Variants in NKAIN3 observed in about 807,000 individuals in gnomAD.
NKAIN3 encodes sodium/potassium-transporting ATPase subunit beta-1-interacting protein 3.
Under a neutral mutation model 30.2 loss-of-function variants are expected in NKAIN3, and 25 were observed. The ratio of observed to expected loss-of-function variants is 0.83; its 90% CI spans 0.60 to 1.16. The LOEUF (loss-of-function observed/expected upper bound fraction) is 1.16. Among genes scored for constraint, NKAIN3 ranks in the 50% most tolerant of loss-of-function variants. The probability of loss-of-function intolerance (pLI) is 0.00; values close to 1 mark genes in which losing one functional copy is unlikely to be tolerated. For synonymous variants in NKAIN3, 91 were observed against 89.6 expected (o/e 1.02, Z -0.09); for missense variants, 225 against 254.1 (o/e 0.89, Z 0.78).
At chr8:62,806,475 T>TA (rs1400703114) in intron 4 of NKAIN3, among the ~76,000 whole-genome samples, 1 of 152,156 alleles carries the variant, frequency 6.6e-6, no homozygotes. Flanking sequence ...TATGTAGCCA[T>TA]AAAAAATGAT....
intron 3 of NKAIN3, among the ~76,000 whole-genome samples, chr8:62,715,249 T>C (rs1390139776): frequency 6.6e-6 from 1 of 152,054 alleles, no homozygotes; most frequent in African/African-American, 2.4e-5. Context: ...AATATGAGAT[T>C]TGGGTGGGGA....
At chr8:62,801,337 AC>A (rs1247086619) in intron 4 of NKAIN3, among the ~76,000 whole-genome samples, 2 of 152,068 alleles carry the variant, frequency 1.3e-5, no homozygotes, top group East Asian at 1.9e-4. Context: ...CTGACCCCTG[AC>A]CCCCAAGCAG....
At position 62,980,890 on chromosome 8, in the gene NKAIN3, T is replaced by A. The variant is rs533928056; in HGVS notation, c.*15483T>A. 3.9e-5 allele frequency: 6 copies of A among 152,306 alleles called. No homozygotes were observed. The East Asian group carries it at 1.2e-3, about 29-fold the overall frequency. The allele number at this position is 152,306 out of a possible 1,614,324, so 9.4% of individuals were successfully genotyped here. On this transcript the variant is annotated 3_prime_UTR_variant, in exon 7 of 7. Transcript: ENST00000623646. ...TTTAAGAATCAGTTGGTGTTAGAATTTTTAATAACACAGAGAAAGCCATTG... is the reference window on the plus strand; with the variant it reads ...TTTAAGAATCAGTTGGTGTTAGAATATTTAATAACACAGAGAAAGCCATTG...
At chr8:62,637,690 TG>T (rs1334547307) in intron 3 of NKAIN3, among the ~76,000 whole-genome samples, 2 of 152,106 alleles carry the variant, frequency 1.3e-5, no homozygotes, top group Non-Finnish European at 2.9e-5. Context: ...TGCACAGCGA[TG>T]GTTCAAATAG....
At chr8:62,991,771 A>T (rs1389263095) in intron 5 of NKAIN3, among the ~76,000 whole-genome samples, 3 of 152,166 alleles carry the variant, frequency 2.0e-5, no homozygotes, top group Non-Finnish European at 4.4e-5. Flanking sequence ...AAAATAAAAG[A>T]AGACTGGATA....
At chr8:62,932,113 T>C (rs1822635843) in intron 5 of NKAIN3, among the ~76,000 whole-genome samples, 1 of 148,130 alleles carries the variant, frequency 6.8e-6, no homozygotes, top group South Asian at 2.2e-4. Flanking sequence ...ATGAATTCAC[T>C]GTAATGATTA....
chr8:62,845,285 T>TTA (rs10525699), intron 4 of NKAIN3, among the ~76,000 whole-genome samples: 2,234 of 68,894 alleles, frequency 0.032, 185 homozygotes, highest in East Asian at 0.19. Flanking sequence ...GGATAGTAGA[T>TTA]TATATATATA....
At chr8:62,498,222 C>T (rs1015378046) in intron 1 of NKAIN3, among the ~76,000 whole-genome samples, 16 of 152,068 alleles carry the variant, frequency 1.1e-4, no homozygotes, top group Non-Finnish European at 2.4e-4. Flanking sequence ...GACTGTGACA[C>T]TTGTTGAGCA....
intron 1 of NKAIN3, among the ~76,000 whole-genome samples, chr8:62,326,521 C>T (rs1815137958): frequency 6.6e-6 from 1 of 151,596 alleles, no homozygotes; most frequent in Non-Finnish European, 1.5e-5. Flanking sequence ...TTTCATTCTT[C>T]TACATGTGCA....
At chr8:62,699,981 C>A (rs1454646963) in intron 3 of NKAIN3, among the ~76,000 whole-genome samples, 1 of 152,042 alleles carries the variant, frequency 6.6e-6, no homozygotes, top group Non-Finnish European at 1.5e-5. Flanking sequence ...TTTTTAAAAT[C>A]TAGCTGGATG....
chr8:62,442,681 A>G (rs1414806417), intron 1 of NKAIN3, among the ~76,000 whole-genome samples: 1 of 150,994 alleles, frequency 6.6e-6, no homozygotes, highest in African/African-American at 2.4e-5. Context: ...ACTTGTTTTC[A>G]CTTCCTCTTG....
At chr8:62,409,922 T>TA (rs1429874351) in intron 1 of NKAIN3, among the ~76,000 whole-genome samples, 4 of 152,212 alleles carry the variant, frequency 2.6e-5, no homozygotes, top group African/African-American at 9.6e-5. Flanking sequence ...CACATGATTT[T>TA]AAAAAGAATA....
chr8:62,878,786 T>A (rs910104028), intron 4 of NKAIN3, among the ~76,000 whole-genome samples: 48 of 151,942 alleles, frequency 3.2e-4, no homozygotes, highest in Non-Finnish European at 5.9e-4. Context: ...CTTGTGATAG[T>A]TTGCTGAGAA....
chr8:62,720,762 A>G (rs1254836558), intron 3 of NKAIN3, among the ~76,000 whole-genome samples: 1 of 152,176 alleles, frequency 6.6e-6, no homozygotes, highest in Admixed American at 6.5e-5. Context: ...AGAAGCTACT[A>G]TTTTGATCCT....
intron 1 of NKAIN3, among the ~76,000 whole-genome samples, chr8:62,336,981 G>A (rs1815573205): frequency 6.6e-6 from 1 of 152,084 alleles, no homozygotes; most frequent in Admixed American, 6.6e-5. Context: ...ACCCAAGAAG[G>A]CTAACACATT....
At chr8:62,902,253 A>G (rs531421170) in intron 4 of NKAIN3, among the ~76,000 whole-genome samples, 345 of 152,358 alleles carry the variant, frequency 2.3e-3, no homozygotes, top group Non-Finnish European at 3.3e-3. Flanking sequence ...GGGCACAAAA[A>G]GAGTCCAAAT....
At chr8:62,451,725 T>G (rs1244681348) in intron 1 of NKAIN3, among the ~76,000 whole-genome samples, 2 of 152,200 alleles carry the variant, frequency 1.3e-5, no homozygotes, top group Non-Finnish European at 2.9e-5. Flanking sequence ...AGAGTTTTCT[T>G]GATTTGCATA....
chr8:62,780,779 A>G (rs1011987930), intron 4 of NKAIN3, among the ~76,000 whole-genome samples: 1 of 152,146 alleles, frequency 6.6e-6, no homozygotes, highest in African/African-American at 2.4e-5. Context: ...TAGGCATAGA[A>G]GAAACATATC....
At chr8:62,338,505 G>C (rs1447905356) in intron 1 of NKAIN3, among the ~76,000 whole-genome samples, 1 of 151,894 alleles carries the variant, frequency 6.6e-6, no homozygotes, top group Admixed American at 6.6e-5. Context: ...TGCCATGAAA[G>C]GATTAAACAT....
Sources: allele counts gnomAD v4.1 joint callset (sites outside exome capture counted in the v4.1 genomes callset), GRCh38; gene constraint gnomAD v4.1.1; transcripts MANE v1.5; gene names NCBI Gene and HGNC (gene_info 2026-07-23, HGNC 2026-07-21).